CNMD: variants seen among roughly 807,000 people sequenced by gnomAD.
CNMD encodes the protein chondromodulin, also known as leukocyte cell-derived chemotaxin 1.
CNMD carries 30 observed loss-of-function variants against 37.5 expected under a neutral mutation model. The observed-to-expected ratio is 0.80, with a 90% confidence interval of 0.60 to 1.09. The LOEUF (loss-of-function observed/expected upper bound fraction) is 1.09, where lower values mean the gene tolerates loss of function less well. CNMD is among the 50% of genes least tolerant of loss of function. The pLI is 0.00. For synonymous variants in CNMD, 167 were observed against 148.2 expected (o/e 1.13, Z -0.92); for missense variants, 398 against 423.9 (o/e 0.94, Z 0.54).
chr13:52,732,117 A>G (rs1287891624), intron 3 of CNMD, among the ~76,000 whole-genome samples: 1 of 152,236 alleles, frequency 6.6e-6, no homozygotes, highest in African/African-American at 2.4e-5. Context: ...TTTGGTACCA[A>G]CAAGAGGAGT....
chr13:52,707,831 G>A (rs1467300290), intron 6 of CNMD, among the ~76,000 whole-genome samples: 6 of 152,032 alleles, frequency 3.9e-5, no homozygotes, highest in Admixed American at 6.6e-5. Context: ...AAGGTTGGGC[G>A]CGGTGGCTCA....
rs190160508 is a variant in CNMD at position 52,739,803 on chromosome 13, C to T, written c.-102G>A. The T allele has an allele frequency of 1.8e-4, 178 of 995,248 alleles. No individual in the cohort carries two copies. The East Asian group carries it at 3.7e-3, about 21-fold the overall frequency. The allele number at this position is 995,248 out of a possible 1,614,324, so 61.7% of individuals were successfully genotyped here. A position where few individuals can be genotyped will look rare whatever the true frequency, so the allele number is the denominator to read the frequency against. On this transcript the variant is annotated 5_prime_UTR_variant, in exon 1 of 7. In the 5' UTR this introduces an upstream ATG that the reference lacks. Coordinates refer to ENST00000377962, the MANE Select transcript of CNMD (RefSeq NM_007015.3). This position sits in a 1 kb window ranked among gnomAD's most constrained non-coding sequence, Gnocchi z 5.4. ...GGCATTTCAACGCCGCGCGCACACA[C>T]GGTGCACGGTCCCGCCTGGGCCAGC...
At chr13:52,727,046 G>A (rs9536261) in intron 3 of CNMD, among the ~76,000 whole-genome samples, 5,828 of 152,060 alleles carry the variant, frequency 0.038, 139 homozygotes, top group South Asian at 0.065. Flanking sequence ...TGAGTGGATC[G>A]CCTGAGGTCA....
At chr13:52,712,402 G>C (rs1351171041) in intron 5 of CNMD, among the ~76,000 whole-genome samples, 9 of 152,124 alleles carry the variant, frequency 5.9e-5, no homozygotes, top group Non-Finnish European at 1.3e-4. Context: ...AAATTGGAAG[G>C]TGCAAACAAC....
intron 4 of CNMD, among the ~76,000 whole-genome samples, chr13:52,721,665 T>C (rs1964484996): frequency 1.3e-5 from 2 of 152,140 alleles, no homozygotes; most frequent in African/African-American, 4.8e-5. Flanking sequence ...GGTACCTCAG[T>C]TGGAAATGCA....
intron 3 of CNMD, among the ~76,000 whole-genome samples, chr13:52,728,430 C>G (rs557893722): frequency 5.3e-5 from 8 of 152,158 alleles, no homozygotes; most frequent in Admixed American, 4.6e-4. Flanking sequence ...AGTGTTGTGC[C>G]CCACCCCCAG....
intron 2 of CNMD, among the ~76,000 whole-genome samples, chr13:52,734,612 C>T (rs1964726274): frequency 6.6e-6 from 1 of 151,416 alleles, no homozygotes; most frequent in African/African-American, 2.4e-5. Context: ...ATCTATATAT[C>T]TTACATATGA....
At position 52,703,817 on chromosome 13, in the gene CNMD, A is replaced by G. The variant is rs1964130585; in HGVS notation, c.790-7T>C. 3 of 1,603,568 alleles carry G rather than the reference A, an allele frequency of 1.9e-6. No homozygotes were observed. The highest frequency in any genetic ancestry group is 2.6e-6 in the Non-Finnish European group (3 of 1,170,798). On this transcript the variant is annotated splice_region_variant and splice_polypyrimidine_tract_variant and intron_variant, in intron 6 of 6. Coordinates refer to ENST00000377962, the MANE Select transcript of CNMD (RefSeq NM_007015.3). The stretch of plus-strand genomic sequence containing the variant: ...TGCTTTCCCCTTCCTGCTGCTGTGA[A>G]ATAAAAGATAATTATTTGTGATAAC...
intron 4 of CNMD, among the ~76,000 whole-genome samples, chr13:52,719,800 T>G (rs1964450569): frequency 6.6e-6 from 1 of 152,188 alleles, no homozygotes; most frequent in Admixed American, 6.5e-5. Context: ...GACGATTATG[T>G]GTCTTGGGGT....
At chr13:52,729,793 T>C (rs1485903840) in intron 3 of CNMD, among the ~76,000 whole-genome samples, 1 of 152,168 alleles carries the variant, frequency 6.6e-6, no homozygotes, top group Non-Finnish European at 1.5e-5. Context: ...AACCCCCATA[T>C]GCCCATCAGT....
intron 3 of CNMD, among the ~76,000 whole-genome samples, chr13:52,729,712 C>G (rs1964631065): frequency 6.6e-6 from 1 of 151,978 alleles, no homozygotes; most frequent in Admixed American, 6.6e-5. Context: ...ACAGGTTATG[C>G]TGTCTTTACT....
In CNMD at chr13:52,739,442, C is replaced by G. The variant is rs544256669; in HGVS notation, c.72+188G>C. 7.4e-6 allele frequency: 5 copies of G among 675,030 alleles called. No individual in the cohort carries two copies. In the African/African-American group the frequency reaches 9.1e-5, roughly 12 times the overall value. 41.8% of individuals were successfully genotyped at this position (675,030 alleles called of 1,614,324 possible). A position where few individuals can be genotyped will look rare whatever the true frequency, so the allele number is the denominator to read the frequency against. ...CCGGCCACGGGACGTCCCTCCGCAC[C>G]CGCCTGTGGATGCCGTGACCCCTGC... On this transcript the variant is annotated intron_variant, in intron 1 of 6. Transcript: ENST00000377962. This position sits in a 1 kb window ranked among gnomAD's most constrained non-coding sequence, Gnocchi z 5.4.
intron 2 of CNMD, among the ~76,000 whole-genome samples, chr13:52,735,749 A>G (rs374275480): frequency 6.6e-6 from 1 of 151,440 alleles, no homozygotes; most frequent in Non-Finnish European, 1.5e-5. Flanking sequence ...TGTATTCAAA[A>G]CCGCCCTGGG....
chr13:52,729,776 T>C (rs1411193916), intron 3 of CNMD, among the ~76,000 whole-genome samples: 1 of 152,216 alleles, frequency 6.6e-6, no homozygotes, highest in Non-Finnish European at 1.5e-5. Context: ...AAAAGGATTA[T>C]ACAGTGAACC....
chr13:52,726,177 C>T (rs1964569269), intron 3 of CNMD, among the ~76,000 whole-genome samples: 1 of 152,160 alleles, frequency 6.6e-6, no homozygotes, highest in African/African-American at 2.4e-5. Context: ...AACACAGACG[C>T]CTGGGTCCCT....
In CNMD at chr13:52,739,574, G is replaced by A; in HGVS notation, c.72+56C>T. The A allele has an allele frequency of 2.0e-6, 3 of 1,498,932 alleles. No individual in the cohort carries two copies. The highest frequency in any genetic ancestry group is 1.9e-6 in the Non-Finnish European group (2 of 1,075,622). 92.9% of individuals were successfully genotyped at this position (1,498,932 alleles called of 1,614,324 possible). ...CACGCACCCCTGAGTCCGAACTGTGGAACCTGATACTCACACAACCCAGGC... is the reference window on the plus strand; with the variant it reads ...CACGCACCCCTGAGTCCGAACTGTGAAACCTGATACTCACACAACCCAGGC... On this transcript the variant is annotated intron_variant, in intron 1 of 6. Coordinates refer to ENST00000377962, the MANE Select transcript of CNMD (RefSeq NM_007015.3). The surrounding 1 kb of genome is among the most constrained non-coding windows in gnomAD (Gnocchi z 5.4).
At chr13:52,709,343 C>A (rs967591074) in intron 5 of CNMD, among the ~76,000 whole-genome samples, 12 of 152,112 alleles carry the variant, frequency 7.9e-5, no homozygotes, top group Non-Finnish European at 1.8e-4. Flanking sequence ...CTCTAGACTT[C>A]TGGCTATATG....
intron 4 of CNMD, among the ~76,000 whole-genome samples, chr13:52,719,272 C>T (rs938567602): frequency 5.1e-5 from 7 of 138,466 alleles, no homozygotes; most frequent in African/African-American, 1.9e-4. Flanking sequence ...GGTCTGGACT[C>T]TTTATTCAGT....
At chr13:52,724,131 CATCT>C (rs1292797692) in intron 3 of CNMD, 21 bp from the exon 4 acceptor site, 1 of 1,510,234 alleles carries the variant, frequency 6.6e-7, no homozygotes, top group Non-Finnish European at 9.2e-7. Flanking sequence ...AAAGTGTATC[CATCT>C]ATCTATCCAT....
Sources: allele counts gnomAD v4.1 joint callset (sites outside exome capture counted in the v4.1 genomes callset), GRCh38; gene constraint gnomAD v4.1.1; non-coding constraint Gnocchi (gnomAD v3.1); transcripts MANE v1.5; gene names NCBI Gene and HGNC (gene_info 2026-07-23, HGNC 2026-07-21).